WASHC2C: variants seen among roughly 807,000 people sequenced by gnomAD.
WASHC2C encodes the protein Vaccinia Penetration Factor.
In WASHC2C, 73 loss-of-function variants were observed where a neutral mutation model predicts 142.2. The observed-to-expected ratio is 0.51, with a 90% CI of 0.43 to 0.62. The LOEUF (loss-of-function observed/expected upper bound fraction) is 0.62. WASHC2C is among the 20% of genes least tolerant of loss of function. WASHC2C has a pLI of 0.00. For synonymous variants in WASHC2C, 337 were observed against 565.5 expected, an observed-to-expected ratio of 0.60 and a Z score of 5.73; for missense variants, 969 against 1,531.7, an observed-to-expected ratio of 0.63 and a Z score of 6.13.
chr10:45,762,091 T>G (rs1435755090), intron 17 of WASHC2C, among the ~76,000 whole-genome samples: 24 of 151,888 alleles, frequency 1.6e-4, no homozygotes, highest in African/African-American at 5.6e-4. Flanking sequence ...GTATTGAAGT[T>G]TATCTTCCCA....
intron 3 of WASHC2C, among the ~76,000 whole-genome samples, chr10:45,732,520 G>A (rs1455655841): frequency 6.6e-6 from 1 of 151,974 alleles, no homozygotes; most frequent in Non-Finnish European, 1.5e-5. Context: ...ACTTTAGTTT[G>A]TTAAATGAAC....
chr10:45,739,480 T>C (rs1554866381), intron 4 of WASHC2C, among the ~76,000 whole-genome samples: 2 of 151,808 alleles, frequency 1.3e-5, no homozygotes, highest in Non-Finnish European at 2.9e-5. Context: ...TCTCAGCCTG[T>C]TGGTGATATG....
At chr10:45,758,983 C>T (rs2054692931) in intron 16 of WASHC2C, among the ~76,000 whole-genome samples, 1 of 150,930 alleles carries the variant, frequency 6.6e-6, no homozygotes, top group Non-Finnish European at 1.5e-5. Flanking sequence ...GAAGCCCTGA[C>T]TTTCTCCTGC....
intron 5 of WASHC2C, 34 bp from the exon 6 acceptor site, chr10:45,743,356 A>T: frequency 6.2e-7 from 1 of 1,611,964 alleles, no homozygotes; most frequent in South Asian, 1.1e-5. Flanking sequence ...TTCAACTGAA[A>T]TGTTTGACAG....
At chr10:45,761,540 T>G (rs1272134073) in intron 17 of WASHC2C, among the ~76,000 whole-genome samples, 1 of 152,156 alleles carries the variant, frequency 6.6e-6, no homozygotes, top group Non-Finnish European at 1.5e-5. Flanking sequence ...TTATTGGATA[T>G]TGTTCAGATT....
intron 16 of WASHC2C, among the ~76,000 whole-genome samples, chr10:45,758,375 C>T (rs1311792973): frequency 6.6e-6 from 1 of 152,174 alleles, no homozygotes; most frequent in African/African-American, 2.4e-5. Flanking sequence ...TACCTGTTCT[C>T]TCCCAGCCTT....
At chr10:45,745,455 C>CA (rs1217710372) in intron 7 of WASHC2C, among the ~76,000 whole-genome samples, 3 of 151,692 alleles carry the variant, frequency 2.0e-5, no homozygotes, top group Non-Finnish European at 2.9e-5. Flanking sequence ...TTGGAAAGGA[C>CA]ACAGCCATGT....
rs2058010930 is a variant in WASHC2C at position 45,785,945 on chromosome 10, C to T, written c.2811+314C>T. ...GAATTTATTTCTCCCTCTGGATTTC[C>T]TTGGAATAGAATTAAAATAGAAATA... is the stretch of plus-strand genomic sequence containing the variant. On this transcript the variant is annotated intron_variant, in intron 26 of 30. Transcript: ENST00000623400. 2.2e-5 allele frequency: 8 copies of T among 359,030 alleles called. No individual in the cohort carries two copies. The South Asian group carries it at 3.0e-4, about 14-fold the overall frequency. The allele number at this position is 359,030 out of a possible 1,614,324, so 22.2% of individuals were successfully genotyped here.
At chr10:45,748,743 T>G (rs1253333894) in intron 8 of WASHC2C, among the ~76,000 whole-genome samples, 2 of 152,004 alleles carry the variant, frequency 1.3e-5, no homozygotes, top group Admixed American at 1.3e-4. Context: ...AGTTCATTGA[T>G]TCAAACATTG....
intron 23 of WASHC2C, among the ~76,000 whole-genome samples, chr10:45,779,576 G>A (rs2057341467): frequency 6.6e-6 from 1 of 152,214 alleles, no homozygotes; most frequent in Non-Finnish European, 1.5e-5. Flanking sequence ...AGCTTTTGCA[G>A]CCTATTTGGG....
intron 27 of WASHC2C, 105 bp downstream of exon 27, chr10:45,786,779 C>T (rs1344517976): frequency 6.3e-7 from 1 of 1,592,098 alleles, no homozygotes; most frequent in African/African-American, 1.3e-5. Flanking sequence ...TCATCTCTTC[C>T]CCCGCCTCCC....
At chr10:45,772,336 G>A (rs141618478) in intron 20 of WASHC2C, among the ~76,000 whole-genome samples, 5,843 of 151,854 alleles carry the variant, frequency 0.038, 82 homozygotes, top group East Asian at 0.099. Flanking sequence ...TGCACAACTC[G>A]ATGAGTATAT....
chr10:45,755,452 A>C lies in WASHC2C; in HGVS notation c.1420+337A>C, dbSNP rs2054142271. ...CCTTTCTTCCAGCCGACCTTAGTCAATTACATGAGCAGCAGGTTGTGTGCC... is the reference window on the plus strand; with the variant it reads ...CCTTTCTTCCAGCCGACCTTAGTCACTTACATGAGCAGCAGGTTGTGTGCC... On this transcript the variant is annotated intron_variant, in intron 15 of 30. Coordinates refer to ENST00000623400, the MANE Select transcript of WASHC2C (RefSeq NM_001330074.2). 3.3e-5 allele frequency among the ~76,000 whole-genome samples: 5 copies of C among 152,288 alleles called. No homozygotes were observed. The South Asian group carries it at 1.0e-3, about 32-fold the overall frequency.
intron 2 of WASHC2C, 31 bp downstream of exon 2, chr10:45,727,570 G>T: frequency 6.4e-7 from 1 of 1,551,266 alleles, no homozygotes; most frequent in East Asian, 2.4e-5. Flanking sequence ...ACGCGAGAGC[G>T]GCAGGGGTGA....
Position 45,728,822 on chromosome 10 carries a change from T to C in WASHC2C, c.127-40T>C, listed in dbSNP as rs772445405. The C allele has an allele frequency of 1.8e-5, 29 of 1,596,600 alleles. No individual in the cohort carries two copies. The East Asian group carries it at 5.8e-4, about 32-fold the overall frequency. On this transcript the variant is annotated intron_variant, in intron 2 of 30. Transcript: ENST00000623400. ...TGATGTGACATGCAGAATAGTTACA[T>C]GTAACATTGATACTACTGTATGTTT... is the stretch of plus-strand genomic sequence containing the variant.
intron 8 of WASHC2C, among the ~76,000 whole-genome samples, chr10:45,749,857 T>TATATTTATATTTA (rs2053367253): frequency 1.1e-5 from 1 of 88,810 alleles, no homozygotes. Flanking sequence ...ATATATATAT[T>TATATTTATATTTA]TATATATATA....
chr10:45,766,966 A>G (rs1213893366), intron 19 of WASHC2C, among the ~76,000 whole-genome samples: 4 of 152,206 alleles, frequency 2.6e-5, no homozygotes, highest in South Asian at 4.1e-4. Context: ...GCAAAAAAAA[A>G]TGTATTAAAA....
chr10:45,742,202 CTCTGTTTTCTCA>C (rs1490964157), intron 5 of WASHC2C, among the ~76,000 whole-genome samples: 2 of 151,928 alleles, frequency 1.3e-5, no homozygotes, highest in Non-Finnish European at 2.9e-5. Flanking sequence ...CCTGCCCTCA[CTCTGTTTTCTCA>C]TCTGGTCTTA....
chr10:45,758,858 G>T (rs2134970067), intron 16 of WASHC2C, among the ~76,000 whole-genome samples: 1 of 149,648 alleles, frequency 6.7e-6, no homozygotes, highest in South Asian at 2.1e-4. Context: ...TGGCCAGTGT[G>T]TGTGTCCCCA....
Sources: allele counts gnomAD v4.1 joint callset (sites outside exome capture counted in the v4.1 genomes callset), GRCh38; gene constraint gnomAD v4.1.1; transcripts MANE v1.5; gene names NCBI Gene and HGNC (gene_info 2026-07-23, HGNC 2026-07-21).